The following AGBL4 variants were observed in gnomAD, a reference collection of about 807,000 sequenced individuals.
AGBL4 encodes cytosolic carboxypeptidase 6.
AGBL4 carries 58 observed loss-of-function variants against 66.4 expected under a neutral mutation model. The observed-to-expected ratio is 0.87, with a 90% CI of 0.71 to 1.09. The LOEUF (loss-of-function observed/expected upper bound fraction) is 1.09. AGBL4 is among the 50% of genes least tolerant of loss of function. The probability of loss-of-function intolerance (pLI) is 0.00; values close to 1 mark genes in which losing one functional copy is unlikely to be tolerated. For synonymous variants in AGBL4, 234 were observed against 222.9 expected, an observed-to-expected ratio of 1.05 and a Z score of -0.44; for missense variants, 579 against 631.0, an observed-to-expected ratio of 0.92 and a Z score of 0.88.
intron 2 of AGBL4, among the ~76,000 whole-genome samples, chr1:49,708,982 G>C (rs762717842): frequency 2.0e-5 from 3 of 152,142 alleles, no homozygotes; most frequent in Admixed American, 1.3e-4. Context: ...TACTGTATGA[G>C]GTGTCTATCG....
intron 4 of AGBL4, among the ~76,000 whole-genome samples, chr1:49,206,633 C>G (rs922182254): frequency 3.3e-5 from 5 of 151,982 alleles, no homozygotes; most frequent in African/African-American, 1.2e-4. Flanking sequence ...CACCCTTCCC[C>G]CAGTGAGTAG....
chr1:49,747,864 T>TA (rs1232533171), intron 2 of AGBL4, among the ~76,000 whole-genome samples: 19 of 152,264 alleles, frequency 1.2e-4, no homozygotes, highest in African/African-American at 3.6e-4. Flanking sequence ...ATTTATTTTT[T>TA]ATCTACAAAA....
intron 7 of AGBL4, among the ~76,000 whole-genome samples, chr1:48,660,886 C>T (rs1478895443): frequency 6.6e-6 from 1 of 152,126 alleles, no homozygotes; most frequent in Non-Finnish European, 1.5e-5. Flanking sequence ...AGTTCCCATC[C>T]CTGAGTGGGA....
intron 6 of AGBL4, among the ~76,000 whole-genome samples, chr1:48,834,382 G>A (rs571206792): frequency 2.6e-5 from 4 of 152,196 alleles, no homozygotes; most frequent in Non-Finnish European, 5.9e-5. Flanking sequence ...GAATATTGGG[G>A]GGCCAGGGGC....
chr1:48,865,405 G>A (rs958985461), intron 6 of AGBL4, among the ~76,000 whole-genome samples: 6 of 152,058 alleles, frequency 3.9e-5, no homozygotes, highest in African/African-American at 9.7e-5. Context: ...TGAGTGAATC[G>A]GTATCTCACA....
At chr1:49,999,673 C>T (rs1395783979) in intron 1 of AGBL4, among the ~76,000 whole-genome samples, 2 of 151,878 alleles carry the variant, frequency 1.3e-5, no homozygotes, top group African/African-American at 2.4e-5. Context: ...AGTACCCAAC[C>T]TCAAACTATA....
At chr1:48,590,262 C>T (rs572486166) in intron 10 of AGBL4, among the ~76,000 whole-genome samples, 49 of 152,002 alleles carry the variant, frequency 3.2e-4, no homozygotes, top group African/African-American at 4.8e-4. Context: ...AAAAATTAGG[C>T]GGGTGTGGTG....
intron 9 of AGBL4, among the ~76,000 whole-genome samples, chr1:48,611,805 C>A (rs371943123): frequency 3.3e-5 from 5 of 152,150 alleles, no homozygotes; most frequent in Non-Finnish European, 4.4e-5. Flanking sequence ...CTTTGTGTGC[C>A]GCTTCGGATC....
At chr1:49,854,079 A>T (rs540421702) in intron 1 of AGBL4, among the ~76,000 whole-genome samples, 1 of 152,240 alleles carries the variant, frequency 6.6e-6, no homozygotes, top group Non-Finnish European at 1.5e-5. Context: ...CTATAGAAAA[A>T]ATAGCAATGT....
chr1:48,991,946 T>G (rs895412835), intron 5 of AGBL4, among the ~76,000 whole-genome samples: 2 of 152,238 alleles, frequency 1.3e-5, no homozygotes, highest in African/African-American at 4.8e-5. Flanking sequence ...TTGAATTCCC[T>G]AAATTGTCAC....
chr1:49,830,174 T>A (rs193202952), intron 2 of AGBL4, among the ~76,000 whole-genome samples: 134 of 152,298 alleles, frequency 8.8e-4, no homozygotes, highest in African/African-American at 3.1e-3. Context: ...TGGTTCTAGA[T>A]CCTTGAGGAA....
At chr1:49,793,942 A>T (rs1644668819) in intron 2 of AGBL4, among the ~76,000 whole-genome samples, 1 of 151,958 alleles carries the variant, frequency 6.6e-6, no homozygotes, top group South Asian at 2.1e-4. Flanking sequence ...TGATTCAAGA[A>T]AGAGAGAAGT....
At chr1:49,263,738 C>G (rs1653460475) in intron 3 of AGBL4, among the ~76,000 whole-genome samples, 1 of 152,102 alleles carries the variant, frequency 6.6e-6, no homozygotes, top group African/African-American at 2.4e-5. Flanking sequence ...GGGTACTTGA[C>G]AATAAAGATG....
chr1:48,912,452 G>C (rs1387644394), intron 5 of AGBL4, among the ~76,000 whole-genome samples: 6 of 152,132 alleles, frequency 3.9e-5, no homozygotes, highest in Admixed American at 3.9e-4. Context: ...GGCAGTTATG[G>C]TTTTCCTGCC....
intron 6 of AGBL4, among the ~76,000 whole-genome samples, chr1:48,724,047 G>A (rs1015163699): frequency 3.9e-5 from 6 of 152,234 alleles, no homozygotes; most frequent in African/African-American, 1.4e-4. Flanking sequence ...AGAGCCAAAG[G>A]TGGGTATGAA....
chr1:49,558,935 G>T (rs1643968177), intron 3 of AGBL4, among the ~76,000 whole-genome samples: 1 of 152,120 alleles, frequency 6.6e-6, no homozygotes, highest in South Asian at 2.1e-4. Flanking sequence ...AGAAAACCAG[G>T]TAGACTTTTA....
chr1:49,482,457 C>A (rs536511499), intron 3 of AGBL4, among the ~76,000 whole-genome samples: 73 of 151,924 alleles, frequency 4.8e-4, no homozygotes, highest in African/African-American at 1.7e-3. Context: ...GTTTATATTT[C>A]TGTGGGGTCA....
At chr1:48,797,601 T>A (rs1645717848) in intron 6 of AGBL4, among the ~76,000 whole-genome samples, 1 of 152,160 alleles carries the variant, frequency 6.6e-6, no homozygotes, top group Non-Finnish European at 1.5e-5. Flanking sequence ...ATATACCACA[T>A]TATCTTTTTT....
chr1:49,041,023 C>T (rs1201406380), intron 5 of AGBL4, among the ~76,000 whole-genome samples: 1 of 151,940 alleles, frequency 6.6e-6, no homozygotes, highest in Non-Finnish European at 1.5e-5. Flanking sequence ...AATACATGTT[C>T]AAAGGGGTTT....
Sources: gnomAD v4.1 joint callset for allele counts (sites outside exome capture counted in the v4.1 genomes callset) on GRCh38, gnomAD v4.1.1 for gene constraint, MANE v1.5 for transcripts, NCBI Gene and HGNC (gene_info 2026-07-23, HGNC 2026-07-21) for gene names.